The following CDK14 variants were observed in gnomAD, a reference collection of about 807,000 sequenced individuals.
CDK14 encodes the protein cyclin-dependent kinase 14.
In CDK14, 34 loss-of-function variants were observed where a neutral mutation model predicts 60.7. That is an observed-to-expected ratio of 0.56 (90% CI 0.43 to 0.75). The LOEUF (loss-of-function observed/expected upper bound fraction) is 0.75. CDK14 is among the 30% of genes least tolerant of loss of function. The pLI is 0.00. For missense variants in CDK14, 482 were observed against 564.1 expected, an observed-to-expected ratio of 0.85 and a Z score of 1.47; for synonymous variants, 197 against 203.7, an observed-to-expected ratio of 0.97 and a Z score of 0.28.
chr7:90,751,341 C>A (rs1803836353), intron 4 of CDK14, among the ~76,000 whole-genome samples: 1 of 152,142 alleles, frequency 6.6e-6, no homozygotes, highest in Admixed American at 6.6e-5. Context: ...AGAAACCTTA[C>A]AAGCCAGGAG....
chr7:90,744,838 G>A (rs1337124938), intron 3 of CDK14, among the ~76,000 whole-genome samples: 9 of 25,550 alleles, frequency 3.5e-4, no homozygotes, highest in East Asian at 1.1e-3. Flanking sequence ...CCTCCCTCCC[G>A]GACGGGGGCT....
In CDK14 at chr7:90,670,788, T is replaced by C. The variant is rs115289565; in HGVS notation, c.124-55779T>C. 1.9e-3 allele frequency among the ~76,000 whole-genome samples: 289 copies of C among 152,218 alleles called. 1 individual carries two copies. The highest frequency in any genetic ancestry group is 6.0e-3 in the African/African-American group (251 of 41,536). ...CTCCCACAGGCCCAGCCCCCAACACTGAGTCTTACATTTCAACATGAAATT... is the reference window on the plus strand; with the variant it reads ...CTCCCACAGGCCCAGCCCCCAACACCGAGTCTTACATTTCAACATGAAATT... On this transcript the variant is annotated intron_variant, in intron 2 of 14. Coordinates refer to ENST00000380050, the MANE Select transcript of CDK14 (RefSeq NM_001287135.2).
intron 14 of CDK14, among the ~76,000 whole-genome samples, chr7:91,161,628 G>A (rs1459523457): frequency 6.6e-6 from 1 of 152,174 alleles, no homozygotes; most frequent in Non-Finnish European, 1.5e-5. Flanking sequence ...CATTATTTTA[G>A]TTACATTCCC....
chr7:90,888,648 G>A lies in CDK14; in HGVS notation c.640-10643G>A, dbSNP rs1584090470. On this transcript the variant is annotated intron_variant, in intron 6 of 14. Transcript: ENST00000380050. Reference sequence around the variant, plus strand: ...TCCTATCAGAGTGGCTCCAGAAAGTGTTTGAGAGTTAAGATATTCCTGAGT... The same window carrying A: ...TCCTATCAGAGTGGCTCCAGAAAGTATTTGAGAGTTAAGATATTCCTGAGT... 2.6e-5 allele frequency among the ~76,000 whole-genome samples: 4 copies of A among 152,328 alleles called. No individual in the cohort carries two copies. In the East Asian group the frequency reaches 5.8e-4, roughly 22 times the overall value.
At chr7:91,114,057 T>C (rs1438231609) in intron 13 of CDK14, among the ~76,000 whole-genome samples, 1 of 152,202 alleles carries the variant, frequency 6.6e-6, no homozygotes, top group East Asian at 1.9e-4. Flanking sequence ...AATTTTCCTA[T>C]ACTGAAAACA....
intron 10 of CDK14, among the ~76,000 whole-genome samples, chr7:90,996,244 A>G (rs2115722644): frequency 6.6e-6 from 1 of 152,238 alleles, no homozygotes; most frequent in Non-Finnish European, 1.5e-5. Flanking sequence ...CACTTGATTG[A>G]CACTCTGTTT....
intron 4 of CDK14, among the ~76,000 whole-genome samples, chr7:90,768,427 G>A (rs1804653390): frequency 6.6e-6 from 1 of 152,174 alleles, no homozygotes; most frequent in Non-Finnish European, 1.5e-5. Flanking sequence ...AGGTAGCAGC[G>A]ATTATTTTTG....
chr7:90,874,486 T>TCTCATGTCC (rs1380413850), intron 6 of CDK14, among the ~76,000 whole-genome samples: 1 of 143,780 alleles, frequency 7.0e-6, no homozygotes, highest in East Asian at 2.1e-4. Flanking sequence ...CAATCTGGAA[T>TCTCATGTCC]CTCATGTCCT....
chr7:90,710,635 G>T, intron 2 of CDK14: 2 of 787,866 alleles, frequency 2.5e-6, no homozygotes, highest in Non-Finnish European at 3.1e-6. Context: ...ATAATTCTTC[G>T]TGCAGTTCTG....
At chr7:90,859,516 T>G (rs1163513618) in intron 5 of CDK14, among the ~76,000 whole-genome samples, 1 of 152,216 alleles carries the variant, frequency 6.6e-6, no homozygotes, top group Non-Finnish European at 1.5e-5. Context: ...ATAATTGAAA[T>G]TTATTTTAAT....
chr7:90,617,635 G>A (rs894384403), intron 2 of CDK14, among the ~76,000 whole-genome samples: 3 of 152,102 alleles, frequency 2.0e-5, no homozygotes, highest in African/African-American at 7.2e-5. Context: ...TTGATTAGTC[G>A]TTGTGAAATC....
chr7:91,198,266 G>A (rs1353784713), intron 14 of CDK14, among the ~76,000 whole-genome samples: 1 of 152,206 alleles, frequency 6.6e-6, no homozygotes, highest in Non-Finnish European at 1.5e-5. Context: ...TGGTGGGGGG[G>A]AAATAAGGTA....
intron 2 of CDK14, among the ~76,000 whole-genome samples, chr7:90,674,231 A>G (rs1801154004): frequency 6.6e-6 from 1 of 152,246 alleles, no homozygotes; most frequent in Admixed American, 6.5e-5. Context: ...CCTTTGAAGC[A>G]CAGCCATGTA....
intron 9 of CDK14, among the ~76,000 whole-genome samples, chr7:90,981,278 A>G (rs1795220054): frequency 6.6e-6 from 1 of 152,236 alleles, no homozygotes; most frequent in Non-Finnish European, 1.5e-5. Context: ...ATTGCATTCT[A>G]ATATCTTAAT....
chr7:90,817,423 T>C (rs1397724973), intron 5 of CDK14, among the ~76,000 whole-genome samples: 9 of 152,048 alleles, frequency 5.9e-5, no homozygotes. Flanking sequence ...TTCTGTTATC[T>C]GTGAGCTTGA....
chr7:90,658,165 A>G (rs112456832), intron 2 of CDK14, among the ~76,000 whole-genome samples: 116 of 152,336 alleles, frequency 7.6e-4, no homozygotes, highest in African/African-American at 2.6e-3. Flanking sequence ...TCTCTATTCC[A>G]GAGATTTCAC....
At chr7:90,640,106 C>A (rs184853717) in intron 2 of CDK14, among the ~76,000 whole-genome samples, 1 of 152,092 alleles carries the variant, frequency 6.6e-6, no homozygotes, top group Non-Finnish European at 1.5e-5. Context: ...CTTCAGCTGG[C>A]GCACGGTGCG....
intron 13 of CDK14, among the ~76,000 whole-genome samples, chr7:91,113,089 T>C (rs577292824): frequency 6.6e-6 from 1 of 152,352 alleles, no homozygotes; most frequent in Non-Finnish European, 1.5e-5. Flanking sequence ...ACATATTTAG[T>C]GCTTTATGCA....
chr7:91,088,565 A>G (rs1483026699), intron 12 of CDK14, among the ~76,000 whole-genome samples: 1 of 141,464 alleles, frequency 7.1e-6, no homozygotes, highest in East Asian at 2.1e-4. Flanking sequence ...TAGAGTTTAT[A>G]TATATGTGTG....
Sources: gnomAD v4.1 joint callset for allele counts (sites outside exome capture counted in the v4.1 genomes callset) on GRCh38, gnomAD v4.1.1 for gene constraint, MANE v1.5 for transcripts, NCBI Gene and HGNC (gene_info 2026-07-23, HGNC 2026-07-21) for gene names.